The following JAKMIP3 variants were observed in gnomAD, a reference collection of about 807,000 sequenced individuals.
JAKMIP3 encodes the protein janus kinase and microtubule-interacting protein 3.
A neutral mutation model predicts 118.5 loss-of-function variants in JAKMIP3; 58 were observed. That is an observed-to-expected ratio of 0.49 (90% CI 0.40 to 0.61). JAKMIP3 has a LOEUF of 0.61. JAKMIP3 is among the 20% of genes least tolerant of loss of function. The probability of loss-of-function intolerance (pLI) is 0.00; values close to 1 mark genes in which losing one functional copy is unlikely to be tolerated. For missense variants in JAKMIP3, 950 were observed against 1,109.0 expected, an observed-to-expected ratio of 0.86 and a Z score of 2.04; for synonymous variants, 486 against 451.2, an observed-to-expected ratio of 1.08 and a Z score of -0.98.
chr10:132,127,736 T>A (rs1048725957), intron 3 of JAKMIP3, among the ~76,000 whole-genome samples: 1 of 152,186 alleles, frequency 6.6e-6, no homozygotes, highest in African/African-American at 2.4e-5. Flanking sequence ...GGTTATCCCA[T>A]GGGGTTATCC....
At position 132,104,652 on chromosome 10, in the gene JAKMIP3, C is replaced by A; in HGVS notation, c.-137-20C>A. 1.3e-6 allele frequency: 1 copy of A among 744,036 alleles called. No homozygotes were observed. Among genetic ancestry groups the A allele is most frequent in the Non-Finnish European group, 2.2e-6 (1 of 458,262 alleles). The allele number at this position is 744,036 out of a possible 1,614,324, so 46.1% of individuals were successfully genotyped here. On this transcript the variant is annotated intron_variant, in intron 1 of 23. Transcript: ENST00000684848. The stretch of plus-strand genomic sequence containing the variant: ...CGGCTCCGGAGGGAGCTGCTCACCG[C>A]GGTGTGCTTTCCCCTCCAGGTGAAT...
chr10:132,181,751 C>T (rs1179572848), intron 23 of JAKMIP3, among the ~76,000 whole-genome samples: 1 of 152,202 alleles, frequency 6.6e-6, no homozygotes, highest in Non-Finnish European at 1.5e-5. Flanking sequence ...CAGACCTCTC[C>T]TAGATTAGAA....
intron 1 of JAKMIP3, among the ~76,000 whole-genome samples, chr10:132,070,309 G>A (rs1290165457): frequency 6.6e-6 from 1 of 151,992 alleles, no homozygotes; most frequent in Non-Finnish European, 1.5e-5. Flanking sequence ...CACCACACCC[G>A]GCTAAATTTT....
intron 6 of JAKMIP3, among the ~76,000 whole-genome samples, chr10:132,136,396 A>C (rs2051779168): frequency 6.6e-6 from 1 of 152,188 alleles, no homozygotes; most frequent in Admixed American, 6.5e-5. Flanking sequence ...CGAGGGTAGT[A>C]AGAGGCTGCG....
chr10:132,053,401 C>G (rs1408793539), intron 1 of JAKMIP3, among the ~76,000 whole-genome samples: 1 of 152,214 alleles, frequency 6.6e-6, no homozygotes, highest in African/African-American at 2.4e-5. Context: ...GAACCCCACA[C>G]CAAAGCAGAC....
chr10:132,110,500 C>A (rs866486060), intron 2 of JAKMIP3, among the ~76,000 whole-genome samples: 3 of 152,260 alleles, frequency 2.0e-5, no homozygotes, highest in African/African-American at 7.2e-5. Flanking sequence ...TGTTTCTCTG[C>A]TGCGGTACTG....
At chr10:132,042,224 T>C (rs1037151070) in intron 1 of JAKMIP3, among the ~76,000 whole-genome samples, 3 of 147,064 alleles carry the variant, frequency 2.0e-5, no homozygotes, top group Admixed American at 6.9e-5. Context: ...CCTTCTTTCC[T>C]CCTCCTCCTT....
intron 2 of JAKMIP3, among the ~76,000 whole-genome samples, chr10:132,107,564 A>G (rs935208214): frequency 2.0e-5 from 3 of 152,190 alleles, no homozygotes; most frequent in African/African-American, 7.2e-5. Context: ...CTCATCCTGG[A>G]CGCCCTCGCC....
At position 132,118,683 on chromosome 10, in the gene JAKMIP3, G is replaced by T. The variant is rs151263539; in HGVS notation, c.633+1109G>T. Among the ~76,000 whole-genome samples, 1 of 152,188 alleles carries T rather than the reference G, an allele frequency of 6.6e-6. No homozygotes were observed. Among genetic ancestry groups the T allele is most frequent in the South Asian group, 2.1e-4 (1 of 4,830 alleles). Reference sequence around the variant, plus strand: ...AGTGTACACGTGGGTGCCCCCAAACGTGCCTAACCCGGGTGATTCCCTTCC... The same window carrying T: ...AGTGTACACGTGGGTGCCCCCAAACTTGCCTAACCCGGGTGATTCCCTTCC... On this transcript the variant is annotated intron_variant, in intron 3 of 23. Transcript: ENST00000684848. This position sits in a 1 kb window ranked among gnomAD's most constrained non-coding sequence, Gnocchi z 4.8.
At chr10:132,078,240 C>G (rs1321167588) in intron 1 of JAKMIP3, among the ~76,000 whole-genome samples, 1 of 152,172 alleles carries the variant, frequency 6.6e-6, no homozygotes, top group Non-Finnish European at 1.5e-5. Flanking sequence ...AGTAAAGATG[C>G]TTTTTGTTGT....
intron 9 of JAKMIP3, among the ~76,000 whole-genome samples, chr10:132,139,049 A>AGTGTGTGTGTGT (rs4009682): frequency 5.3e-5 from 8 of 150,192 alleles, no homozygotes; most frequent in African/African-American, 1.7e-4. Context: ...CTTTATGTTG[A>AGTGTGTGTGTGT]GTGTGTGTGT....
At chr10:132,090,901 T>C (rs1027898449) in intron 1 of JAKMIP3, among the ~76,000 whole-genome samples, 13 of 152,166 alleles carry the variant, frequency 8.5e-5, no homozygotes, top group African/African-American at 1.9e-4. Context: ...TTCCTGCTTT[T>C]TCTTGTGGGC....
intron 1 of JAKMIP3, among the ~76,000 whole-genome samples, chr10:132,082,209 A>G (rs1297455547): frequency 6.7e-6 from 1 of 149,186 alleles, no homozygotes; most frequent in African/African-American, 2.5e-5. Flanking sequence ...CCCTTTTAAT[A>G]ATTTTCAAAT....
chr10:132,166,169 T>A (rs2136661183), intron 21 of JAKMIP3, among the ~76,000 whole-genome samples: 1 of 151,934 alleles, frequency 6.6e-6, no homozygotes, highest in Non-Finnish European at 1.5e-5. Context: ...AGAAAAAAAT[T>A]TTAAAACATA....
At chr10:132,133,583 G>A (rs1381607154) in intron 4 of JAKMIP3, 56 bp downstream of exon 4, 2 of 1,479,682 alleles carry the variant, frequency 1.4e-6, no homozygotes, top group Non-Finnish European at 1.8e-6. Context: ...ACCTGGCCAT[G>A]TGGCTGCATG....
chr10:132,103,505 GCTTGGTGGGGGGAGC>G (rs1196903954), intron 1 of JAKMIP3, among the ~76,000 whole-genome samples: 1 of 124,478 alleles, frequency 8.0e-6, no homozygotes, highest in Non-Finnish European at 1.7e-5. Flanking sequence ...GAGAGGAGTA[GCTTGGTGGGGGGAGC>G]CTCTGAGGGA....
In JAKMIP3 at chr10:132,138,239, G is replaced by A. The variant is rs542080191; in HGVS notation, c.1344+61G>A. 2.1e-5 allele frequency: 30 copies of A among 1,433,754 alleles called. No homozygotes were observed. The South Asian group carries it at 3.2e-4, about 15-fold the overall frequency. The allele number at this position is 1,433,754 out of a possible 1,614,324, so 88.8% of individuals were successfully genotyped here. A position where few individuals can be genotyped will look rare whatever the true frequency, so the allele number is the denominator to read the frequency against. ...GCCGGGTGTGTGCGGAGAGGACCAC[G>A]CCCGCGTGTGTGGAGAGCGCTGGTG... On this transcript the variant is annotated intron_variant, in intron 9 of 23. Transcript: ENST00000684848.
At chr10:132,177,921 T>G (rs959390289) in intron 23 of JAKMIP3, among the ~76,000 whole-genome samples, 5 of 150,038 alleles carry the variant, frequency 3.3e-5, no homozygotes, top group Admixed American at 1.3e-4. Flanking sequence ...CATTTGGTTG[T>G]GTGTGTGCAC....
chr10:132,117,353 G>A lies in JAKMIP3; in HGVS notation c.412G>A (p.Glu138Lys), dbSNP rs2047846103. The A allele has an allele frequency of 2.5e-6, 4 of 1,614,020 alleles. No individual in the cohort carries two copies. The highest frequency in any genetic ancestry group is 1.1e-5 in the South Asian group (1 of 91,074). ...PEKVKTVLLS[E>K]AKEEAKKGFE... ...AAAGGTCAAGACCGTGCTGCTGTCC[G>A]AGGCCAAGGAGGAGGCCAAGAAGGG... Residue 138 changes from glutamate to lysine, a missense_variant, in exon 3 of 24, where the codon GAG becomes AAG. Coordinates refer to ENST00000684848, the MANE Select transcript of JAKMIP3 (RefSeq NM_001323087.2). The surrounding 1 kb of genome is among the most constrained non-coding windows in gnomAD (Gnocchi z 8.6).
Sources: gnomAD v4.1 joint callset for allele counts (sites outside exome capture counted in the v4.1 genomes callset) on GRCh38, gnomAD v4.1.1 for gene constraint, Gnocchi (gnomAD v3.1) non-coding constraint, MANE v1.5 for transcripts, NCBI Gene and HGNC (gene_info 2026-07-23, HGNC 2026-07-21) for gene names.